The following ZNF577 variants were observed in gnomAD, a reference collection of about 807,000 sequenced individuals.
ZNF577 encodes the protein zinc finger protein 577.
In ZNF577, 14 loss-of-function variants were observed where a neutral mutation model predicts 13.9. The ratio of observed to expected loss-of-function variants is 1.00; its 90% confidence interval spans 0.66 to 1.57. ZNF577 has a LOEUF of 1.57. ZNF577 is among the 40% of genes most tolerant of loss of function. The pLI, the probability that ZNF577 is intolerant of heterozygous loss-of-function variation, is 0.00. For synonymous variants in ZNF577, 203 were observed against 202.9 expected (o/e 1.00, Z 0.00); for missense variants, 555 against 579.2 (o/e 0.96, Z 0.43).
At chr19:51,828,420 C>T (rs2084242886) in intron 9 of ZNF577, among the ~76,000 whole-genome samples, 1 of 151,356 alleles carries the variant, frequency 6.6e-6, no homozygotes, top group Non-Finnish European at 1.5e-5. Context: ...GGCACAAGGA[C>T]AAAACCTAGA....
In ZNF577 at chr19:51,869,742, C is replaced by T. The variant is rs2084627971; in HGVS notation, c.*2790G>A. ...CAAAGGCAGATGTGTGCCAGAAACC[C>T]CTACAGGGGCTAAACAGTCAAGACA... On this transcript the variant is annotated 3_prime_UTR_variant, in exon 6 of 6. Coordinates refer to ENST00000638348, the MANE Select transcript of ZNF577 (RefSeq NM_001370449.1). Among the ~76,000 whole-genome samples the T allele has an allele frequency of 6.6e-6, 1 of 152,152 alleles. No individual in the cohort carries two copies. Among genetic ancestry groups the T allele is most frequent in the Admixed American group, 6.5e-5 (1 of 15,268 alleles).
chr19:51,864,725 T>A (rs935528952), downstream of ZNF577, among the ~76,000 whole-genome samples: 5 of 152,152 alleles, frequency 3.3e-5, no homozygotes, highest in Non-Finnish European at 7.3e-5. Flanking sequence ...TGTAGGAGGA[T>A]AAGGAAATAT....
chr19:51,823,330 A>G (rs1459430169), intron 9 of ZNF577, among the ~76,000 whole-genome samples: 1 of 152,158 alleles, frequency 6.6e-6, no homozygotes, highest in Admixed American at 6.5e-5. Flanking sequence ...CATGGGGCCG[A>G]AAGAAGTTGC....
In ZNF577 at chr19:51,870,076, T is replaced by G. The variant is rs552476748; in HGVS notation, c.*2456A>C. Among the ~76,000 whole-genome samples, 16 of 152,334 alleles carry G rather than the reference T, an allele frequency of 1.1e-4. No individual in the cohort carries two copies. The South Asian group carries it at 3.1e-3, about 30-fold the overall frequency. ...AACATCCTAGGGGCATTGGGTCCAG[T>G]GCGTAGACTGAGCTTCATCTGCCCC... On this transcript the variant is annotated 3_prime_UTR_variant, in exon 6 of 6. Transcript: ENST00000638348.
At chr19:51,884,943 A>G (rs2084920208) in intron 1 of ZNF577, among the ~76,000 whole-genome samples, 1 of 152,236 alleles carries the variant, frequency 6.6e-6, no homozygotes, top group Non-Finnish European at 1.5e-5. Context: ...TGAATAAATC[A>G]TTTTGATATT....
chr19:51,865,245 C>T (rs917602877), downstream of ZNF577, among the ~76,000 whole-genome samples: 3 of 152,136 alleles, frequency 2.0e-5, no homozygotes, highest in Admixed American at 6.5e-5. Flanking sequence ...ACAGGGCACT[C>T]GCCACCATGC....
chr19:51,848,568 ATG>A (rs2084365604), intron 5 of ZNF577, among the ~76,000 whole-genome samples: 1 of 152,124 alleles, frequency 6.6e-6, no homozygotes, highest in South Asian at 2.1e-4. Flanking sequence ...AGCTCTCTGG[ATG>A]TGTGGTTTGT....
At chr19:51,819,879 C>A (rs891030297) in intron 9 of ZNF577, among the ~76,000 whole-genome samples, 1 of 152,046 alleles carries the variant, frequency 6.6e-6, no homozygotes, top group Non-Finnish European at 1.5e-5. Context: ...TAGTAGAAAT[C>A]AAATCTTGAG....
At chr19:51,881,061 G>GT (rs201302335) in intron 1 of ZNF577, among the ~76,000 whole-genome samples, 184 bp from the exon 2 acceptor site, 22 of 152,146 alleles carry the variant, frequency 1.4e-4, no homozygotes, top group African/African-American at 4.6e-4. Context: ...CAAGAGGAAT[G>GT]CCTTTTTTTT....
exon 9 of ZNF577, chr19:51,840,012 T>G (rs561241287): frequency 6.6e-6 from 1 of 152,328 alleles, no homozygotes; most frequent in South Asian, 2.1e-4. Flanking sequence ...GAACACAAGA[T>G]GTCTACAGAC....
At chr19:51,811,499 C>T (rs1450134999) in exon 10 of ZNF577, 4 of 152,258 alleles carry the variant, frequency 2.6e-5, no homozygotes, top group Non-Finnish European at 5.9e-5. Context: ...GCTGACTCAT[C>T]CCAGGGTCCC....
chr19:51,818,813 C>T (rs2122478098), intron 9 of ZNF577, among the ~76,000 whole-genome samples: 1 of 152,196 alleles, frequency 6.6e-6, no homozygotes, highest in Non-Finnish European at 1.5e-5. Flanking sequence ...TCTCAGGGTG[C>T]TTGAGAAGTG....
rs1313197249 is a variant in ZNF577 at position 51,868,864 on chromosome 19, T to C, written c.*3668A>G. Among the ~76,000 whole-genome samples the C allele has an allele frequency of 1.3e-5, 2 of 152,228 alleles. No homozygotes were observed. Among genetic ancestry groups the C allele is most frequent in the East Asian group, 3.9e-4 (2 of 5,192 alleles). ...CCTCAACCCTGTGCTCGCAGAAACA[T>C]GTGCTGTGTTGACTCAAGGTTTACT... On this transcript the variant is annotated 3_prime_UTR_variant, in exon 6 of 6. Transcript: ENST00000638348.
At chr19:51,809,858 C>T (rs965622931) in intron 10 of ZNF577, among the ~76,000 whole-genome samples, 13 of 152,128 alleles carry the variant, frequency 8.5e-5, no homozygotes, top group African/African-American at 3.1e-4. Context: ...GAACCCATGC[C>T]TGGAACGGGG....
At chr19:51,884,693 C>T (rs765784088) in intron 1 of ZNF577, among the ~76,000 whole-genome samples, 10 of 151,958 alleles carry the variant, frequency 6.6e-5, no homozygotes, top group Non-Finnish European at 1.5e-4. Flanking sequence ...TGATTTTCAT[C>T]CTTCCTTCTT....
At chr19:51,854,580 A>C (rs374821799) in intron 5 of ZNF577, among the ~76,000 whole-genome samples, 2 of 149,328 alleles carry the variant, frequency 1.3e-5, no homozygotes, top group African/African-American at 5.0e-5. Context: ...GCAATCCTCC[A>C]ATCTCAGCTT....
chr19:51,875,548 A>G (rs554048594), intron 5 of ZNF577, among the ~76,000 whole-genome samples: 33 of 152,248 alleles, frequency 2.2e-4, no homozygotes, highest in African/African-American at 6.5e-4. Context: ...GCATTCAATA[A>G]AATATATGTC....
intron 9 of ZNF577, among the ~76,000 whole-genome samples, chr19:51,832,799 T>C (rs1327697293): frequency 6.9e-6 from 1 of 145,902 alleles, no homozygotes; most frequent in African/African-American, 2.6e-5. Context: ...GAAAATAATA[T>C]TCTTTCTTCA....
rs1416944204 is a variant in ZNF577, at chr19:51,824,617, T to C, written c.*600-12943A>G. The C allele has an allele frequency of 2.5e-6, 4 of 1,614,022 alleles. No homozygotes were observed. The South Asian group carries it at 4.4e-5, about 18-fold the overall frequency. The stretch of plus-strand genomic sequence containing the variant: ...GTCCTGATTAACCCAACAAGCTCCT[T>C]GGCCTTTTTTAACAGCTGCCTCAAC... On this transcript the variant is annotated intron_variant and NMD_transcript_variant, in intron 9 of 10. Coordinates refer to the ZNF577 transcript ENST00000638827. This position sits in a 1 kb window ranked among gnomAD's most constrained non-coding sequence, Gnocchi z 4.7.
Sources: allele counts gnomAD v4.1 joint callset (sites outside exome capture counted in the v4.1 genomes callset), GRCh38; gene constraint gnomAD v4.1.1; non-coding constraint Gnocchi (gnomAD v3.1); transcripts MANE v1.5; gene names NCBI Gene and HGNC (gene_info 2026-07-23, HGNC 2026-07-21).